The following OCIAD2 variants were observed in gnomAD, a reference collection of about 807,000 sequenced individuals.
The protein encoded by OCIAD2 is OCIA domain containing 2, also known as OCIA domain-containing protein 2.
A neutral mutation model predicts 22.9 loss-of-function variants in OCIAD2; 29 were observed. The ratio of observed to expected loss-of-function variants is 1.27; its 90% CI spans 0.94 to 1.73. OCIAD2 has a LOEUF of 1.73. Among genes scored for constraint, OCIAD2 ranks in the 40% most tolerant of loss-of-function variants. The pLI, the probability that OCIAD2 is intolerant of heterozygous loss-of-function variation, is 0.00. For synonymous variants in OCIAD2, 67 were observed against 60.2 expected, an observed-to-expected ratio of 1.11 and a Z score of -0.52; for missense variants, 189 against 180.3, an observed-to-expected ratio of 1.05 and a Z score of -0.28.
At chr4:48,900,286 T>C (rs1781388349) in intron 2 of OCIAD2, among the ~76,000 whole-genome samples, 1 of 152,170 alleles carries the variant, frequency 6.6e-6, no homozygotes, top group South Asian at 2.1e-4. Context: ...TCCCTTCGCC[T>C]GACTGGCCTT....
chr4:48,894,380 A>G lies in OCIAD2; in HGVS notation c.218-327T>C, dbSNP rs6447672. ...TGATGGTGGGTGCCTGTAATCCCAG[A>G]TACTCAGGAGGCTGAGGCAGGAGGA... On this transcript the variant is annotated intron_variant, in intron 4 of 6. Coordinates refer to ENST00000508632, the MANE Select transcript of OCIAD2 (RefSeq NM_001014446.3). Among the ~76,000 whole-genome samples the G allele has an allele frequency of 3.2e-3, 482 of 152,074 alleles. 4 individuals are homozygous for G. Among genetic ancestry groups the G allele is most frequent in the African/African-American group, 0.011 (445 of 41,492 alleles).
rs952194607 is a variant in OCIAD2, at chr4:48,906,709, C to G, written c.-114G>C. On this transcript the variant is annotated 5_prime_UTR_variant, in exon 1 of 7. Transcript: ENST00000508632. Reference sequence around the variant, plus strand: ...CCGAGTCCCTCGTTGCCAAGCCCAGCAGGCCTCGCTCCCCCGTGACTGCAC... The same window carrying G: ...CCGAGTCCCTCGTTGCCAAGCCCAGGAGGCCTCGCTCCCCCGTGACTGCAC... The G allele has an allele frequency of 1.3e-5, 2 of 152,956 alleles. No individual in the cohort carries two copies. The highest frequency in any genetic ancestry group is 6.5e-5 in the Admixed American group (1 of 15,290). The allele number at this position is 152,956 out of a possible 1,614,324, so 9.5% of individuals were successfully genotyped here. A position where few individuals can be genotyped will look rare whatever the true frequency, so the allele number is the denominator to read the frequency against.
chr4:48,889,854 C>T (rs372709731), intron 6 of OCIAD2, among the ~76,000 whole-genome samples: 1 of 152,120 alleles, frequency 6.6e-6, no homozygotes, highest in African/African-American at 2.4e-5. Flanking sequence ...TTGGAACCAA[C>T]CCAAATGTCC....
chr4:48,888,175 C>T (rs1271066182), intron 6 of OCIAD2, among the ~76,000 whole-genome samples: 1 of 152,120 alleles, frequency 6.6e-6, no homozygotes, highest in Non-Finnish European at 1.5e-5. Context: ...GTGATTTTTG[C>T]ACATTGATTT....
chr4:48,886,853 A>C lies in OCIAD2; in HGVS notation c.384-1288T>G, dbSNP rs1468532894. 4.6e-5 allele frequency among the ~76,000 whole-genome samples: 7 copies of C among 152,090 alleles called. No homozygotes were observed. In the East Asian group the frequency reaches 5.8e-4, roughly 13 times the overall value. On this transcript the variant is annotated intron_variant, in intron 6 of 6. Transcript: ENST00000508632. ...GGCTTTATAATCCTTTGGGTATATA[A>C]CCAGTAATGGGATGGCTGGGTCAAA...
At chr4:48,892,919 G>A (rs1480866552) in intron 5 of OCIAD2, 30 bp from the exon 6 acceptor site, 5 of 1,125,846 alleles carry the variant, frequency 4.4e-6, no homozygotes, top group East Asian at 2.5e-5. Flanking sequence ...GAGATTAGTT[G>A]AGAATCTTCT....
chr4:48,889,908 T>A (rs184913284), intron 6 of OCIAD2, among the ~76,000 whole-genome samples: 2 of 152,176 alleles, frequency 1.3e-5, no homozygotes, highest in Admixed American at 6.5e-5. Context: ...CATATACACC[T>A]TGGAATACTA....
intron 4 of OCIAD2, among the ~76,000 whole-genome samples, chr4:48,896,112 A>G (rs565178242): frequency 1.3e-5 from 2 of 152,326 alleles, no homozygotes; most frequent in South Asian, 4.1e-4. Context: ...GTCAAAAATG[A>G]TCTGAAAAAT....
chr4:48,894,713 G>C (rs927071287), intron 4 of OCIAD2, among the ~76,000 whole-genome samples: 1 of 152,034 alleles, frequency 6.6e-6, no homozygotes, highest in African/African-American at 2.4e-5. Flanking sequence ...TATACTTTAA[G>C]TTCTAGGGTA....
chr4:48,890,727 T>C (rs1483398702), intron 6 of OCIAD2, among the ~76,000 whole-genome samples: 1 of 152,210 alleles, frequency 6.6e-6, no homozygotes, highest in African/African-American at 2.4e-5. Flanking sequence ...CATTTACTGC[T>C]ATGAGGAGTT....
At chr4:48,886,803 G>A (rs544781918) in intron 6 of OCIAD2, among the ~76,000 whole-genome samples, 2 of 151,972 alleles carry the variant, frequency 1.3e-5, no homozygotes, top group African/African-American at 2.4e-5. Context: ...ATAAACATAC[G>A]TGTGCATGTG....
chr4:48,886,564 C>T (rs1553904875), intron 6 of OCIAD2, among the ~76,000 whole-genome samples: 1 of 148,302 alleles, frequency 6.7e-6, no homozygotes, highest in Non-Finnish European at 1.5e-5. Context: ...TTGTTCAGTT[C>T]CCACCTATGA....
chr4:48,887,266 A>T (rs1186598100), intron 6 of OCIAD2, among the ~76,000 whole-genome samples: 1 of 151,752 alleles, frequency 6.6e-6, no homozygotes, highest in East Asian at 1.9e-4. Context: ...GGTTGCAAAA[A>T]TTTTCTCCCA....
rs181199262 is a variant in OCIAD2 at position 48,902,895 on chromosome 4, G to T, written c.66+1589C>A. Reference sequence around the variant, plus strand: ...TTGAACCCAGGAGGTGGAGGTTGCAGTGAGCCAAGATTGTTCCATAGCACT... The same window carrying T: ...TTGAACCCAGGAGGTGGAGGTTGCATTGAGCCAAGATTGTTCCATAGCACT... On this transcript the variant is annotated intron_variant, in intron 2 of 6. Transcript: ENST00000508632. Among the ~76,000 whole-genome samples, 3 of 152,162 alleles carry T rather than the reference G, an allele frequency of 2.0e-5. 1 individual carries two copies. The highest frequency in any genetic ancestry group is 2.0e-4 in the Admixed American group (3 of 15,280).
At chr4:48,890,869 C>A (rs1161689681) in intron 6 of OCIAD2, among the ~76,000 whole-genome samples, 1 of 152,144 alleles carries the variant, frequency 6.6e-6, no homozygotes, top group East Asian at 1.9e-4. Flanking sequence ...TATTGTAAAA[C>A]CCTGAAGACA....
At chr4:48,904,690 G>A (rs961496823) in intron 1 of OCIAD2, 79 bp from the exon 2 acceptor site, 21 of 757,142 alleles carry the variant, frequency 2.8e-5, no homozygotes, top group African/African-American at 2.3e-4. Context: ...GGATCCACTG[G>A]AGTTATTTGG....
In OCIAD2 at chr4:48,899,923, GCT is replaced by G; in HGVS notation, c.67_68del (p.Ser23ProfsTer55). The G allele has an allele frequency of 6.2e-7, 1 of 1,611,250 alleles. No individual in the cohort carries two copies. The highest frequency in any genetic ancestry group is 1.1e-5 in the South Asian group (1 of 90,906). ...GTTTTGATTTTGGACAAAACAACAGGCTCTGTAAGGAAAGTTATATGGTGAGC... is the reference window on the plus strand; with the variant it reads ...GTTTTGATTTTGGACAAAACAACAGGCTGTAAGGAAAGTTATATGGTGAGC... Reference protein sequence around the residue: ...DAHFPPPSKQSLLFCPKSKLH... With the variant: ...DAHFPPPSKQXLLFCPKSKLH... On this transcript the variant is annotated frameshift_variant and splice_region_variant, in exon 3 of 7. Transcript: ENST00000508632. LOFTEE classifies it high-confidence loss of function.
intron 1 of OCIAD2, among the ~76,000 whole-genome samples, chr4:48,905,849 C>T (rs1343579538): frequency 6.6e-6 from 1 of 152,152 alleles, no homozygotes; most frequent in Non-Finnish European, 1.5e-5. Flanking sequence ...TGACTCTTTA[C>T]CCCTGCGATC....
At chr4:48,905,584 G>A (rs1781507687) in intron 1 of OCIAD2, among the ~76,000 whole-genome samples, 1 of 152,182 alleles carries the variant, frequency 6.6e-6, no homozygotes, top group South Asian at 2.1e-4. Context: ...GGTGGACTTT[G>A]AGCCTCCTCC....
Sources: allele counts gnomAD v4.1 joint callset (sites outside exome capture counted in the v4.1 genomes callset), GRCh38; gene constraint gnomAD v4.1.1; transcripts MANE v1.5; gene names NCBI Gene and HGNC (gene_info 2026-07-23, HGNC 2026-07-21).